Variants in ZMYND11 observed in about 807,000 individuals in gnomAD.
ZMYND11 encodes zinc finger MYND domain-containing protein 11.
Under a neutral mutation model 84.9 loss-of-function variants are expected in ZMYND11, and 9 were observed. That is an observed-to-expected ratio of 0.11 (90% CI 0.06 to 0.18). ZMYND11 has a LOEUF of 0.18. Ranked by LOEUF, ZMYND11 falls within the 10% of genes least tolerant of loss-of-function variation. ZMYND11 has a pLI of 1.00. For synonymous variants in ZMYND11, 250 were observed against 244.1 expected, an observed-to-expected ratio of 1.02 and a Z score of -0.23; for missense variants, 409 against 761.0, an observed-to-expected ratio of 0.54 and a Z score of 5.44.
intron 4 of ZMYND11, 21 bp downstream of exon 4, chr10:221,377 C>G (rs1156678440): frequency 1.2e-6 from 2 of 1,610,302 alleles, no homozygotes; most frequent in Non-Finnish European, 8.5e-7. Flanking sequence ...ATGAGCTTTC[C>G]TGTGCTGGTT....
At chr10:145,872 A>G (rs1330250532) in intron 1 of ZMYND11, among the ~76,000 whole-genome samples, 1 of 152,054 alleles carries the variant, frequency 6.6e-6, no homozygotes, top group African/African-American at 2.4e-5. Flanking sequence ...TGCTGTGCAG[A>G]AGATTTTTAG....
At chr10:233,123 C>CT (rs536483158) in intron 4 of ZMYND11, among the ~76,000 whole-genome samples, 42 of 152,326 alleles carry the variant, frequency 2.8e-4, no homozygotes, top group African/African-American at 9.6e-4. Context: ...CCCCTGGGGG[C>CT]TTTTAGGACT....
chr10:231,536 AG>A (rs1469641275), intron 4 of ZMYND11, among the ~76,000 whole-genome samples: 1 of 152,224 alleles, frequency 6.6e-6, no homozygotes, highest in Non-Finnish European at 1.5e-5. Context: ...GTACTAATAA[AG>A]GTATTCAGTC....
chr10:145,661 T>C (rs1418970945), intron 1 of ZMYND11, among the ~76,000 whole-genome samples: 1 of 152,208 alleles, frequency 6.6e-6, no homozygotes, highest in Non-Finnish European at 1.5e-5. Context: ...TATTTAGCAT[T>C]TTCTTACGTG....
chr10:227,284 G>A (rs1413601646), intron 4 of ZMYND11, among the ~76,000 whole-genome samples: 1 of 152,090 alleles, frequency 6.6e-6, no homozygotes, highest in East Asian at 1.9e-4. Context: ...ATTTGCTCCT[G>A]CCCTTCTTAA....
In ZMYND11 at chr10:209,915, A is replaced by G; in HGVS notation, c.143A>G (p.His48Arg). ...TKYMSRVHGM[H>R]PKETTRQLSL... is the part of the protein sequence containing the mutation. ...TATATGTCTCGAGTCCACGGTATGC[A>G]CCCTAAAGAGACCACCCGTCAGCTG... The change falls in exon 3 of 15, where the codon CAC becomes CGC. Residue 48 changes from histidine to arginine, a missense_variant. This residue lies in a region of ZMYND11 where 73 missense variants were observed against 185.8 expected (regional missense o/e 0.39). Transcript: ENST00000381604. 3.1e-6 allele frequency: 5 copies of G among 1,613,974 alleles called. No homozygotes were observed. The highest frequency in any genetic ancestry group is 4.2e-6 in the Non-Finnish European group (5 of 1,179,930).
rs769968980 is a variant in ZMYND11, at chr10:240,427, G to A, written c.753+316G>A. Among the ~76,000 whole-genome samples the A allele has an allele frequency of 2.4e-4, 37 of 152,256 alleles. 1 individual carries two copies. The highest frequency in any genetic ancestry group is 9.8e-4 in the Admixed American group (15 of 15,298). ...GCTGAGGCAGGAGAATCGCTTGAAC[G>A]TGGAAGGTGGAGGTTGCAGTGAGCC... On this transcript the variant is annotated intron_variant, in intron 8 of 14. Coordinates refer to ENST00000381604, the MANE Select transcript of ZMYND11 (RefSeq NM_001370100.5).
intron 2 of ZMYND11, among the ~76,000 whole-genome samples, chr10:208,443 C>T (rs886385474): frequency 2.6e-5 from 4 of 152,104 alleles, no homozygotes; most frequent in Non-Finnish European, 5.9e-5. Context: ...AACAAATTTA[C>T]AAGAAAAAAA....
chr10:240,780 CAAA>C, intron 8 of ZMYND11, 110 bp from the exon 9 acceptor site: 1 of 829,470 alleles, frequency 1.2e-6, no homozygotes, highest in South Asian at 1.9e-5. Context: ...GATTAAGAAA[CAAA>C]ATTCAACACT....
chr10:158,772 T>G (rs1014289218), intron 1 of ZMYND11, among the ~76,000 whole-genome samples: 1 of 152,138 alleles, frequency 6.6e-6, no homozygotes, highest in East Asian at 1.9e-4. Context: ...AACTAGCATC[T>G]CATTGTGATT....
At chr10:192,879 A>C (rs1171203016) in intron 2 of ZMYND11, among the ~76,000 whole-genome samples, 1 of 151,922 alleles carries the variant, frequency 6.6e-6, no homozygotes, top group Non-Finnish European at 1.5e-5. Context: ...TTCCACTGGG[A>C]TATTGTTACC....
intron 2 of ZMYND11, among the ~76,000 whole-genome samples, chr10:205,982 T>G (rs1431110074): frequency 2.6e-5 from 4 of 151,938 alleles, no homozygotes; most frequent in Non-Finnish European, 2.9e-5. Flanking sequence ...TTTTTTGGTG[T>G]CAGGATAAAT....
At chr10:217,025 A>C (rs2131364738) in intron 3 of ZMYND11, among the ~76,000 whole-genome samples, 1 of 152,326 alleles carries the variant, frequency 6.6e-6, no homozygotes, top group East Asian at 1.9e-4. Flanking sequence ...TCTCAAACAC[A>C]CATACTTGGT....
intron 8 of ZMYND11, 91 bp from the exon 9 acceptor site, chr10:240,802 A>G (rs953175804): frequency 1.0e-6 from 1 of 969,788 alleles, no homozygotes. Flanking sequence ...CTATTTATAT[A>G]CGTGAATGTT....
At chr10:135,063 G>C (rs1378651752), upstream of ZMYND11, 6 of 149,384 alleles carry the variant, frequency 4.0e-5, no homozygotes, top group Non-Finnish European at 9.0e-5. This position sits in a 1 kb window ranked among gnomAD's most constrained non-coding sequence, Gnocchi z 5.6. Context: ...GGGCCGGTGG[G>C]GCCGAGCGGC....
chr10:131,613 C>T (rs1245489566), upstream of ZMYND11, among the ~76,000 whole-genome samples: 1 of 152,156 alleles, frequency 6.6e-6, no homozygotes, highest in Non-Finnish European at 1.5e-5. Flanking sequence ...CAGCCCTGAC[C>T]TCTTGTGCTC....
At chr10:218,630 C>T (rs1237347366) in intron 3 of ZMYND11, 1 of 172,976 alleles carries the variant, frequency 5.8e-6, no homozygotes, top group Non-Finnish European at 1.3e-5. Flanking sequence ...ACTATCTTTA[C>T]ATGGCTTCTA....
chr10:219,392 G>C (rs1946743804), intron 3 of ZMYND11, among the ~76,000 whole-genome samples: 1 of 152,104 alleles, frequency 6.6e-6, no homozygotes, highest in Non-Finnish European at 1.5e-5. Context: ...TCAAATATAA[G>C]CCACCAGAAT....
intron 1 of ZMYND11, among the ~76,000 whole-genome samples, chr10:141,187 A>G (rs897735339): frequency 1.3e-5 from 2 of 152,220 alleles, no homozygotes; most frequent in Admixed American, 1.3e-4. Context: ...AATTTGTTTC[A>G]TAAGATCACA....
Sources: allele counts gnomAD v4.1 joint callset (sites outside exome capture counted in the v4.1 genomes callset), GRCh38; gene constraint gnomAD v4.1.1; regional missense constraint gnomAD v4.1.1; non-coding constraint Gnocchi (gnomAD v3.1); transcripts MANE v1.5; gene names NCBI Gene and HGNC (gene_info 2026-07-23, HGNC 2026-07-21).